Variants in ITGBL1 observed in about 807,000 individuals in gnomAD.
ITGBL1 encodes the protein integrin subunit beta like 1, also known as integrin beta-like protein 1.
ITGBL1 carries 51 observed loss-of-function variants against 68.5 expected under a neutral mutation model. The observed-to-expected ratio is 0.74, with a 90% CI of 0.59 to 0.94. The LOEUF is 0.94. Among genes scored for constraint, ITGBL1 ranks in the 40% least tolerant of loss-of-function variants. The pLI is 0.00. For synonymous variants in ITGBL1, 209 were observed against 227.3 expected, an observed-to-expected ratio of 0.92 and a Z score of 0.72; for missense variants, 649 against 647.4, an observed-to-expected ratio of 1.00 and a Z score of -0.03.
intron 2 of ITGBL1, among the ~76,000 whole-genome samples, chr13:101,461,067 A>G (rs1169915077): frequency 6.6e-6 from 1 of 152,214 alleles, no homozygotes; most frequent in African/African-American, 2.4e-5. Flanking sequence ...GAACATATTT[A>G]TAGCATTGTG....
chr13:101,594,308 G>C (rs886781884), intron 6 of ITGBL1, among the ~76,000 whole-genome samples: 2 of 152,072 alleles, frequency 1.3e-5, no homozygotes, highest in Admixed American at 6.6e-5. Context: ...TTTAAACAAA[G>C]ATGACAAGAA....
chr13:101,535,762 AC>A (rs1594872733), intron 2 of ITGBL1, among the ~76,000 whole-genome samples: 1 of 152,056 alleles, frequency 6.6e-6, no homozygotes, highest in Admixed American at 6.6e-5. Context: ...GATTCCAAAA[AC>A]TTTTGCGAAG....
intron 7 of ITGBL1, among the ~76,000 whole-genome samples, chr13:101,628,420 CTTTTCT>C (rs1323924198): frequency 1.3e-5 from 2 of 149,602 alleles, no homozygotes; most frequent in East Asian, 2.0e-4. Context: ...TATTTCTTTT[CTTTTCT>C]TTTTCTTTTT....
At chr13:101,713,187 G>A (rs1239143625) in intron 9 of ITGBL1, 1 of 152,142 alleles carries the variant, frequency 6.6e-6, no homozygotes. Flanking sequence ...CAGTTTCCCT[G>A]ATATGAAATA....
intron 2 of ITGBL1, among the ~76,000 whole-genome samples, chr13:101,530,035 G>A (rs1471955004): frequency 2.6e-5 from 4 of 152,112 alleles, no homozygotes; most frequent in East Asian, 1.9e-4. Flanking sequence ...AGAACTCAGG[G>A]AATATTGAGT....
intron 7 of ITGBL1, among the ~76,000 whole-genome samples, chr13:101,642,703 C>T (rs975671264): frequency 1.3e-5 from 2 of 151,222 alleles, no homozygotes; most frequent in African/African-American, 4.9e-5. Context: ...TTAGGTCTAA[C>T]GTTTAAGTCT....
Position 101,612,750 on chromosome 13 carries a change from A to C in ITGBL1, c.1015+14451A>C, listed in dbSNP as rs368333041. Among the ~76,000 whole-genome samples, 8 of 152,250 alleles carry C rather than the reference A, an allele frequency of 5.3e-5. 1 individual carries two copies. Among genetic ancestry groups the C allele is most frequent in the Admixed American group, 3.3e-4 (5 of 15,272 alleles). ...TGGAGTCTTGTGACCACACAAGGGTATGACAGGGTGAGCACAGGGCGACAC... is the reference window on the plus strand; with the variant it reads ...TGGAGTCTTGTGACCACACAAGGGTCTGACAGGGTGAGCACAGGGCGACAC... On this transcript the variant is annotated intron_variant, in intron 7 of 10. Coordinates refer to ENST00000376180, the MANE Select transcript of ITGBL1 (RefSeq NM_004791.3).
At chr13:101,470,733 A>G (rs1005340262) in intron 2 of ITGBL1, among the ~76,000 whole-genome samples, 2 of 152,156 alleles carry the variant, frequency 1.3e-5, no homozygotes, top group African/African-American at 4.8e-5. Context: ...TAGTCTGGAA[A>G]AAAATTCCTT....
At chr13:101,499,178 T>G (rs1306718066) in intron 2 of ITGBL1, among the ~76,000 whole-genome samples, 1 of 152,198 alleles carries the variant, frequency 6.6e-6, no homozygotes, top group African/African-American at 2.4e-5. Context: ...TTCATGCTGC[T>G]TGTTTCCTGG....
intron 7 of ITGBL1, among the ~76,000 whole-genome samples, chr13:101,666,401 C>T (rs1395969393): frequency 6.6e-6 from 1 of 152,088 alleles, no homozygotes; most frequent in African/African-American, 2.4e-5. Flanking sequence ...TTGCATCCCT[C>T]TTGGAACTGT....
rs534730090 is a variant in ITGBL1, at chr13:101,527,581, A to G, written c.317-40118A>G. 1.1e-4 allele frequency among the ~76,000 whole-genome samples: 17 copies of G among 149,910 alleles called. No homozygotes were observed. In the East Asian group the frequency reaches 3.4e-3, roughly 30 times the overall value. ...TGTTTTGTTTCTCTTGAGTAAATGC[A>G]ATAATACATTTAATTTTAGAAGAAA... On this transcript the variant is annotated intron_variant, in intron 2 of 10. Coordinates refer to ENST00000376180, the MANE Select transcript of ITGBL1 (RefSeq NM_004791.3).
chr13:101,712,999 C>T (rs187833663), intron 9 of ITGBL1: 1 of 152,116 alleles, frequency 6.6e-6, no homozygotes, highest in Non-Finnish European at 1.5e-5. Context: ...TCAACCTGGA[C>T]CCTCAGGAAA....
chr13:101,588,200 C>T (rs1176475482), intron 6 of ITGBL1, among the ~76,000 whole-genome samples: 1 of 152,108 alleles, frequency 6.6e-6, no homozygotes, highest in Non-Finnish European at 1.5e-5. Flanking sequence ...TCAATGGCTG[C>T]TCTTGCTGCA....
At chr13:101,526,472 G>T (rs2049380853) in intron 2 of ITGBL1, among the ~76,000 whole-genome samples, 1 of 151,940 alleles carries the variant, frequency 6.6e-6, no homozygotes, top group South Asian at 2.1e-4. Context: ...AGAAAATGTG[G>T]CACAGATACA....
At chr13:101,599,193 T>C (rs1164814081) in intron 7 of ITGBL1, among the ~76,000 whole-genome samples, 2 of 151,574 alleles carry the variant, frequency 1.3e-5, no homozygotes, top group Non-Finnish European at 3.0e-5. Flanking sequence ...CCAGTGATGA[T>C]GAGCATTTTT....
intron 2 of ITGBL1, among the ~76,000 whole-genome samples, chr13:101,519,174 T>C (rs994675487): frequency 2.0e-5 from 3 of 151,548 alleles, no homozygotes; most frequent in African/African-American, 7.3e-5. Context: ...TTTTTGGGGG[T>C]GATGTGAGAG....
At chr13:101,651,798 T>C (rs2032760970) in intron 7 of ITGBL1, among the ~76,000 whole-genome samples, 1 of 152,148 alleles carries the variant, frequency 6.6e-6, no homozygotes, top group Admixed American at 6.5e-5. Context: ...GTTTTTATAG[T>C]TTTGGGTTTT....
intron 2 of ITGBL1, among the ~76,000 whole-genome samples, chr13:101,550,229 T>A (rs982225704): frequency 6.6e-6 from 1 of 152,210 alleles, no homozygotes; most frequent in Non-Finnish European, 1.5e-5. Context: ...CATGGCTGTT[T>A]GTTCAGAGAA....
At chr13:101,504,617 G>A (rs987488908) in intron 2 of ITGBL1, among the ~76,000 whole-genome samples, 5 of 152,106 alleles carry the variant, frequency 3.3e-5, no homozygotes, top group South Asian at 2.1e-4. Flanking sequence ...ATTGAAACAC[G>A]GCCTGTATAT....
Sources: allele counts gnomAD v4.1 joint callset (sites outside exome capture counted in the v4.1 genomes callset), GRCh38; gene constraint gnomAD v4.1.1; transcripts MANE v1.5; gene names NCBI Gene and HGNC (gene_info 2026-07-23, HGNC 2026-07-21).